The following PSMC6 variants were observed in gnomAD, a reference collection of about 807,000 sequenced individuals.
The protein encoded by PSMC6 is 26S proteasome regulatory subunit 10B.
Under a neutral mutation model 55.9 loss-of-function variants are expected in PSMC6, and 3 were observed. The ratio of observed to expected loss-of-function variants is 0.05; its 90% CI spans 0.02 to 0.14. PSMC6 has a LOEUF of 0.14. Among genes scored for constraint, PSMC6 ranks in the 10% least tolerant of loss-of-function variants. The pLI is 1.00. For synonymous variants in PSMC6, 137 were observed against 155.9 expected (o/e 0.88, Z 0.90); for missense variants, 210 against 478.7 (o/e 0.44, Z 5.24).
At chr14:52,714,535 A>C (rs2041809067) in intron 7 of PSMC6, among the ~76,000 whole-genome samples, 1 of 152,174 alleles carries the variant, frequency 6.6e-6, no homozygotes, top group African/African-American at 2.4e-5. Flanking sequence ...AGGTGCTTTC[A>C]TGGACTCTGT....
intron 7 of PSMC6, 101 bp from the exon 8 acceptor site, chr14:52,717,980 A>G: frequency 9.1e-7 from 1 of 1,094,962 alleles, no homozygotes; most frequent in Non-Finnish European, 1.4e-6. Context: ...GTGAGCTGTG[A>G]TCTCGCCACA....
chr14:52,723,827 A>G (rs1880288449), intron 12 of PSMC6, 138 bp from the exon 13 acceptor site: 1 of 1,432,374 alleles, frequency 7.0e-7, no homozygotes, highest in Non-Finnish European at 9.1e-7. Context: ...TTGGATATTA[A>G]TATTGTGGAA....
At chr14:52,711,196 C>T (rs1460815912) in intron 5 of PSMC6, 28 bp downstream of exon 5, 2 of 1,585,706 alleles carry the variant, frequency 1.3e-6, no homozygotes, top group South Asian at 1.1e-5. Flanking sequence ...TTTAGTTCAC[C>T]TTTTATTTTC....
chr14:52,710,807 C>T (rs1287701497), intron 4 of PSMC6: 2 of 370,046 alleles, frequency 5.4e-6, no homozygotes, highest in Non-Finnish European at 9.9e-6. Context: ...TCTATAAATG[C>T]TTTGGTAGCA....
At chr14:52,711,586 T>G (rs1340657825) in intron 6 of PSMC6, 62 bp downstream of exon 6, 1 of 1,146,874 alleles carries the variant, frequency 8.7e-7, no homozygotes, top group African/African-American at 1.6e-5. Context: ...TTTAGGATTC[T>G]TAACAGGAGA....
intron 12 of PSMC6, chr14:52,723,223 A>G (rs1269878069): frequency 2.6e-5 from 4 of 152,280 alleles, no homozygotes; most frequent in Non-Finnish European, 5.9e-5. Flanking sequence ...TGTGATTTCA[A>G]ATAGAGAACG....
intron 6 of PSMC6, among the ~76,000 whole-genome samples, chr14:52,712,565 G>A (rs976278421): frequency 1.3e-5 from 2 of 152,078 alleles, no homozygotes; most frequent in African/African-American, 4.8e-5. Flanking sequence ...ACACTTTAGA[G>A]TATTGATTTC....
chr14:52,726,850 T>A (rs1176418801), intron 13 of PSMC6, among the ~76,000 whole-genome samples: 1 of 151,932 alleles, frequency 6.6e-6, no homozygotes, highest in Non-Finnish European at 1.5e-5. Context: ...CCATGTTGGC[T>A]AGGCTGGTCT....
chr14:52,717,943 G>T, intron 7 of PSMC6, 138 bp from the exon 8 acceptor site: 1 of 719,922 alleles, frequency 1.4e-6, no homozygotes, highest in African/African-American at 1.8e-5. Flanking sequence ...TGGGAAAATC[G>T]CTTAGGTCTG....
chr14:52,707,416 T>A, intron 1 of PSMC6, 112 bp downstream of exon 1: 1 of 1,424,838 alleles, frequency 7.0e-7, no homozygotes, highest in Non-Finnish European at 9.5e-7. Flanking sequence ...TGACCAGGCC[T>A]AGGGCCAGGG....
At chr14:52,707,419 G>A in intron 1 of PSMC6, 115 bp downstream of exon 1, 1 of 1,409,062 alleles carries the variant, frequency 7.1e-7, no homozygotes, top group Non-Finnish European at 9.6e-7. Flanking sequence ...CCAGGCCTAG[G>A]GCCAGGGACA....
chr14:52,721,205 T>A lies in PSMC6; in HGVS notation c.979+15T>A, dbSNP rs763121011. On this transcript the variant is annotated intron_variant, in intron 12 of 13. Coordinates refer to ENST00000445930, the MANE Select transcript of PSMC6 (RefSeq NM_002806.5). Reference sequence around the variant, plus strand: ...TGGTGAAATAGGTAAGGAAGTCATCTATTTTATATGTATTTACATTTGGTA... The same window carrying A: ...TGGTGAAATAGGTAAGGAAGTCATCAATTTTATATGTATTTACATTTGGTA... The A allele has an allele frequency of 1.3e-6, 2 of 1,519,504 alleles. No individual in the cohort carries two copies. Among genetic ancestry groups the A allele is most frequent in the East Asian group, 4.5e-5 (2 of 44,082 alleles). 94.1% of individuals were successfully genotyped at this position (1,519,504 alleles called of 1,614,324 possible). A position where few individuals can be genotyped will look rare whatever the true frequency, so the allele number is the denominator to read the frequency against.
intron 4 of PSMC6, 44 bp from the exon 5 acceptor site, chr14:52,711,057 C>T (rs537945289): frequency 3.2e-5 from 35 of 1,105,156 alleles, no homozygotes; most frequent in Admixed American, 1.2e-4. Flanking sequence ...AGTGTTATTC[C>T]GTTTTTAAGT....
chr14:52,717,247 A>G (rs1426947375), intron 7 of PSMC6, among the ~76,000 whole-genome samples: 2 of 152,018 alleles, frequency 1.3e-5, no homozygotes, highest in Admixed American at 1.3e-4. Flanking sequence ...TAAATATACA[A>G]TTTATTTGTC....
At chr14:52,710,621 C>T (rs559657898) in intron 4 of PSMC6, 1 of 179,402 alleles carries the variant, frequency 5.6e-6, no homozygotes, top group South Asian at 1.3e-4. Flanking sequence ...GGTTTTGGGG[C>T]TTTAAATTTA....
At chr14:52,723,902 G>T in intron 12 of PSMC6, 63 bp from the exon 13 acceptor site, 2 of 1,587,662 alleles carry the variant, frequency 1.3e-6, no homozygotes, top group East Asian at 2.2e-5. Context: ...AATTTTCGAT[G>T]TGGGCATAAA....
At chr14:52,719,263 C>T (rs540791906) in intron 10 of PSMC6, among the ~76,000 whole-genome samples, 1 of 152,080 alleles carries the variant, frequency 6.6e-6, no homozygotes, top group Non-Finnish European at 1.5e-5. Context: ...CTGTACTATT[C>T]TGTGTTTTTT....
chr14:52,724,113 A>G (rs1880311242), intron 13 of PSMC6, 77 bp downstream of exon 13: 2 of 1,339,292 alleles, frequency 1.5e-6, no homozygotes, highest in Non-Finnish European at 1.1e-6. Flanking sequence ...TTTATCTGAA[A>G]GCGGAGCATA....
At chr14:52,710,570 A>C (rs544220586) in intron 4 of PSMC6, 4 of 167,084 alleles carry the variant, frequency 2.4e-5, no homozygotes, top group African/African-American at 7.2e-5. Flanking sequence ...TGTGTTCAGC[A>C]TGTGCCTGTC....
Sources: gnomAD v4.1 joint callset for allele counts (sites outside exome capture counted in the v4.1 genomes callset) on GRCh38, gnomAD v4.1.1 for gene constraint, MANE v1.5 for transcripts, NCBI Gene and HGNC (gene_info 2026-07-23, HGNC 2026-07-21) for gene names.